SH2D4B: variants seen among roughly 807,000 people sequenced by gnomAD.
The protein encoded by SH2D4B is SH2 domain-containing protein 4B.
A neutral mutation model predicts 61.5 loss-of-function variants in SH2D4B; 45 were observed. The observed-to-expected ratio is 0.73, with a 90% CI of 0.58 to 0.94. The LOEUF is 0.94. Among genes scored for constraint, SH2D4B ranks in the 40% least tolerant of loss-of-function variants. The pLI is 0.00. For synonymous variants in SH2D4B, 224 were observed against 220.4 expected (o/e 1.02, Z -0.14); for missense variants, 572 against 574.2 (o/e 1.00, Z 0.04).
intron 4 of SH2D4B, among the ~76,000 whole-genome samples, chr10:80,595,740 C>T (rs1486635950): frequency 1.3e-5 from 2 of 152,196 alleles, no homozygotes; most frequent in African/African-American, 2.4e-5. Flanking sequence ...CTCCTCTGTC[C>T]TCTCCTCCTG....
chr10:80,578,441 T>C (rs971531377), intron 3 of SH2D4B, among the ~76,000 whole-genome samples: 1 of 151,970 alleles, frequency 6.6e-6, no homozygotes, highest in Non-Finnish European at 1.5e-5. Context: ...GACAACTCCA[T>C]GAGCAACCCT....
At chr10:80,546,648 C>A (rs1404063138) in intron 1 of SH2D4B, among the ~76,000 whole-genome samples, 4 of 151,920 alleles carry the variant, frequency 2.6e-5, no homozygotes, top group Non-Finnish European at 4.4e-5. Context: ...GCCTCAGCCT[C>A]CCGAGTAGCT....
At chr10:80,630,226 G>A (rs944066172) in intron 6 of SH2D4B, among the ~76,000 whole-genome samples, 10 of 152,142 alleles carry the variant, frequency 6.6e-5, no homozygotes, top group African/African-American at 2.4e-4. Context: ...ATCTTGCTTT[G>A]GGTAGGAATG....
Position 80,627,013 on chromosome 10 carries a change from C to A in SH2D4B, c.989-7272C>A, listed in dbSNP as rs373009230. Among the ~76,000 whole-genome samples, 6 of 152,156 alleles carry A rather than the reference C, an allele frequency of 3.9e-5. No individual in the cohort carries two copies. In the East Asian group the frequency reaches 1.2e-3, roughly 29 times the overall value. ...GGTTATAACAGGGTTGATAGGAAGACCAAAGGAGAAGGGTCACAGAGGCCC... is the reference window on the plus strand; with the variant it reads ...GGTTATAACAGGGTTGATAGGAAGAACAAAGGAGAAGGGTCACAGAGGCCC... On this transcript the variant is annotated intron_variant, in intron 6 of 7. Transcript: ENST00000646907.
At chr10:80,587,160 T>G (rs1375388865) in intron 3 of SH2D4B, among the ~76,000 whole-genome samples, 2 of 116,582 alleles carry the variant, frequency 1.7e-5, no homozygotes, top group Non-Finnish European at 3.3e-5. Flanking sequence ...TGTTTTTTTT[T>G]TTTTTTTTGG....
At chr10:80,586,731 C>G (rs1166635249) in intron 3 of SH2D4B, among the ~76,000 whole-genome samples, 1 of 152,278 alleles carries the variant, frequency 6.6e-6, no homozygotes, top group East Asian at 1.9e-4. Flanking sequence ...GGGCTGGGAT[C>G]CCCTTGCCGC....
At chr10:80,541,838 G>T (rs1404299976) in intron 1 of SH2D4B, among the ~76,000 whole-genome samples, 3 of 152,202 alleles carry the variant, frequency 2.0e-5, no homozygotes, top group African/African-American at 7.2e-5. Flanking sequence ...ACCCACAGAA[G>T]TAAGCTTGGG....
intron 6 of SH2D4B, among the ~76,000 whole-genome samples, chr10:80,616,220 T>G (rs1412041694): frequency 3.3e-5 from 5 of 152,194 alleles, no homozygotes; most frequent in Admixed American, 3.3e-4. Context: ...TTGGTTAGCA[T>G]GTCACAATCC....
At position 80,588,654 on chromosome 10, in the gene SH2D4B, C is replaced by T. The variant is rs370788593; in HGVS notation, c.520C>T (p.Arg174Ter). ...GAGGAAAGAGGAAGAGGAGAGGAAG[C>T]GAGGAGAAGAGCAGATTCGCCTCCA... ...FKRKEEEERK[R>*]GEEQIRLQEE... The change falls in exon 4 of 8, where the codon CGA becomes TGA. Residue 174 changes from arginine to a stop codon, truncating the protein, a stop_gained. Coordinates refer to ENST00000646907, the MANE Select transcript of SH2D4B (RefSeq NM_001388272.1). LOFTEE classifies it high-confidence loss of function. 66 of 1,613,754 alleles carry T rather than the reference C, an allele frequency of 4.1e-5. No homozygotes were observed. Among genetic ancestry groups the T allele is most frequent in the South Asian group, 2.6e-4 (24 of 91,088 alleles).
At chr10:80,587,138 T>G (rs1166980480) in intron 3 of SH2D4B, among the ~76,000 whole-genome samples, 10 of 52,946 alleles carry the variant, frequency 1.9e-4, no homozygotes, top group Non-Finnish European at 2.8e-4. Context: ...ACGTTTTTTT[T>G]TTTTTTTGTT....
At chr10:80,588,800 G>A in intron 4 of SH2D4B, 23 bp downstream of exon 4, 1 of 1,612,958 alleles carries the variant, frequency 6.2e-7, no homozygotes, top group Non-Finnish European at 8.5e-7. Context: ...TGTGCCTCAG[G>A]CAGGGAGACC....
intron 4 of SH2D4B, among the ~76,000 whole-genome samples, chr10:80,600,877 G>A (rs12356882): frequency 0.12 from 17,706 of 152,126 alleles, 1,212 homozygotes; most frequent in East Asian, 0.25. Context: ...CAAAAGTCAC[G>A]GTCCTTGTAG....
intron 6 of SH2D4B, among the ~76,000 whole-genome samples, chr10:80,630,490 C>T (rs558777305): frequency 1.3e-5 from 2 of 152,246 alleles, no homozygotes; most frequent in African/African-American, 4.8e-5. Flanking sequence ...AGACAGTCTC[C>T]TGGGAGATAA....
chr10:80,541,695 G>T (rs974308627), intron 1 of SH2D4B, among the ~76,000 whole-genome samples: 1 of 152,196 alleles, frequency 6.6e-6, no homozygotes, highest in African/African-American at 2.4e-5. Flanking sequence ...GCAGGACAAG[G>T]TGTGCCTTGT....
At chr10:80,566,297 C>CTT (rs75474550) in intron 1 of SH2D4B, among the ~76,000 whole-genome samples, 39 of 130,472 alleles carry the variant, frequency 3.0e-4, no homozygotes, top group South Asian at 5.1e-4. Flanking sequence ...AGATCAATTT[C>CTT]TTTTTTTTTT....
At chr10:80,592,399 AT>A (rs1283920419) in intron 4 of SH2D4B, among the ~76,000 whole-genome samples, 2 of 152,134 alleles carry the variant, frequency 1.3e-5, no homozygotes, top group Non-Finnish European at 2.9e-5. Context: ...CAATGTATCC[AT>A]TTTTTTGGTT....
chr10:80,593,650 T>G lies in SH2D4B; in HGVS notation c.643+4873T>G, dbSNP rs552840764. 2.0e-5 allele frequency among the ~76,000 whole-genome samples: 3 copies of G among 152,332 alleles called. No homozygotes were observed. In the East Asian group the frequency reaches 5.8e-4, roughly 29 times the overall value. ...AGATAATTTCATCTGCAGATAGAGA[T>G]AGTTTTACTTCTTCCTTTCCAGTTT... On this transcript the variant is annotated intron_variant, in intron 4 of 7. Coordinates refer to ENST00000646907, the MANE Select transcript of SH2D4B (RefSeq NM_001388272.1).
intron 1 of SH2D4B, among the ~76,000 whole-genome samples, chr10:80,560,242 C>A (rs1249108422): frequency 6.6e-6 from 1 of 152,054 alleles, no homozygotes; most frequent in Non-Finnish European, 1.5e-5. Context: ...CTACCTCGGC[C>A]TCCCAAAGTG....
chr10:80,539,406 G>A lies in SH2D4B; in HGVS notation c.184+891G>A, dbSNP rs1841548879. Among the ~76,000 whole-genome samples, 2 of 152,332 alleles carry A rather than the reference G, an allele frequency of 1.3e-5. No homozygotes were observed. Among genetic ancestry groups the A allele is most frequent in the African/African-American group, 2.4e-5 (1 of 41,590 alleles). Reference sequence around the variant, plus strand: ...TCAGGGCTGAGCACACAGCTCCCTTGGTGATCTGGCTCTTCTCCATGCCAG... The same window carrying A: ...TCAGGGCTGAGCACACAGCTCCCTTAGTGATCTGGCTCTTCTCCATGCCAG... On this transcript the variant is annotated intron_variant, in intron 1 of 7. Transcript: ENST00000646907. This position sits in a 1 kb window ranked among gnomAD's most constrained non-coding sequence, Gnocchi z 4.9.
Sources: allele counts gnomAD v4.1 joint callset (sites outside exome capture counted in the v4.1 genomes callset), GRCh38; gene constraint gnomAD v4.1.1; non-coding constraint Gnocchi (gnomAD v3.1); transcripts MANE v1.5; gene names NCBI Gene and HGNC (gene_info 2026-07-23, HGNC 2026-07-21).